The following ZFHX3 variants were observed in gnomAD, a reference collection of about 807,000 sequenced individuals.
ZFHX3 encodes the protein zinc finger homeobox protein 3.
Under a neutral mutation model 279.1 loss-of-function variants are expected in ZFHX3, and 42 were observed. The ratio of observed to expected loss-of-function variants is 0.15; its 90% CI spans 0.12 to 0.19. The LOEUF is 0.19. Ranked by LOEUF, ZFHX3 falls within the 10% of genes least tolerant of loss-of-function variation. ZFHX3 has a pLI of 1.00. For missense variants in ZFHX3, 4,981 were observed against 4,754.0 expected, an observed-to-expected ratio of 1.05 and a Z score of -1.40; for synonymous variants, 2,293 against 1,957.8, an observed-to-expected ratio of 1.17 and a Z score of -4.52.
At position 72,959,775 on chromosome 16, in the gene ZFHX3, C is replaced by T. The variant is rs1376760357; in HGVS notation, c.371G>A (p.Ser124Asn). 2 of 1,605,496 alleles carry T rather than the reference C, an allele frequency of 1.2e-6. No homozygotes were observed. Among genetic ancestry groups the T allele is most frequent in the South Asian group, 1.1e-5 (1 of 90,006 alleles). Reference sequence around the variant, plus strand: ...CTCCCCGGCCAGGTTCTCCACGTCACTCTCCTCGTCCCCCTCCTCACCGGT... The same window carrying T: ...CTCCCCGGCCAGGTTCTCCACGTCATTCTCCTCGTCCCCCTCCTCACCGGT... ...SDTGEEGDEESDVENLAGEIV... is the reference protein window; with the variant it reads ...SDTGEEGDEENDVENLAGEIV... Residue 124 changes from serine to asparagine, a missense_variant, in exon 2 of 10, where the codon AGT (serine) becomes AAT (asparagine). Ser to Asn is a conservative substitution (Grantham distance 46, BLOSUM62 1). This residue lies in a region of ZFHX3 where 1,068 missense variants were observed against 935.2 expected (regional missense o/e 1.14). Transcript: ENST00000268489.
chr16:72,910,996 A>G (rs897940509), intron 3 of ZFHX3, among the ~76,000 whole-genome samples: 1 of 152,220 alleles, frequency 6.6e-6, no homozygotes, highest in African/African-American at 2.4e-5. Context: ...AGTAGGAGTC[A>G]CAGAAGTCAA....
intron 3 of ZFHX3, among the ~76,000 whole-genome samples, chr16:73,399,069 G>A (rs576700296): frequency 2.2e-4 from 33 of 151,100 alleles, no homozygotes; most frequent in African/African-American, 8.0e-4. Flanking sequence ...GTAGAATCGG[G>A]GTTTCGCCAT....
intron 3 of ZFHX3, among the ~76,000 whole-genome samples, chr16:72,908,723 G>A (rs901164766): frequency 6.6e-6 from 1 of 152,060 alleles, no homozygotes; most frequent in Non-Finnish European, 1.5e-5. Context: ...CAAGTTACCC[G>A]CCCGTCCCTG....
At chr16:73,058,785 G>T in exon 1 of ZFHX3, 1 of 153,824 alleles carries the variant, frequency 6.5e-6, no homozygotes, top group South Asian at 2.1e-4. Flanking sequence ...CGGGGAGCCG[G>T]AGCCGCCGCC....
intron 4 of ZFHX3, among the ~76,000 whole-genome samples, chr16:72,867,693 C>A (rs553553088): frequency 6.8e-6 from 1 of 148,008 alleles, no homozygotes; most frequent in Admixed American, 6.8e-5. Context: ...TGAAAAGTAG[C>A]GAACCCCCAG....
intron 5 of ZFHX3, among the ~76,000 whole-genome samples, chr16:73,169,469 C>T (rs1361591426): frequency 2.0e-5 from 3 of 152,042 alleles, no homozygotes; most frequent in Non-Finnish European, 4.4e-5. Flanking sequence ...GGTGAAACCC[C>T]GTCTCTACTA....
chr16:73,068,102 C>T (rs1244145767), intron 8 of ZFHX3, among the ~76,000 whole-genome samples: 1 of 152,158 alleles, frequency 6.6e-6, no homozygotes, highest in Non-Finnish European at 1.5e-5. Flanking sequence ...TCAGTTCTCC[C>T]AGCAACCCTG....
chr16:73,422,947 AG>A (rs2017744319), intron 3 of ZFHX3, among the ~76,000 whole-genome samples: 1 of 152,202 alleles, frequency 6.6e-6, no homozygotes, highest in Non-Finnish European at 1.5e-5. Context: ...AGGTGTTGGC[AG>A]GGTTGGTTTT....
In ZFHX3 at chr16:73,280,938, T is replaced by C. The variant is rs1043622630; in HGVS notation, c.-1193-23802A>G. Among the ~76,000 whole-genome samples the C allele has an allele frequency of 1.1e-4, 16 of 150,374 alleles. No individual in the cohort carries two copies. In the East Asian group the frequency reaches 3.2e-3, roughly 30 times the overall value. On this transcript the variant is annotated intron_variant, in intron 4 of 17. Transcript: ENST00000641206. Reference sequence around the variant, plus strand: ...AGGTAGAGGTTGTGGTGAGCCAAGATTGCGCCATTGCACTCCAGCCTGGGC... The same window carrying C: ...AGGTAGAGGTTGTGGTGAGCCAAGACTGCGCCATTGCACTCCAGCCTGGGC...
At chr16:73,052,096 T>A (rs192758935), upstream of ZFHX3, among the ~76,000 whole-genome samples, 23 of 152,158 alleles carry the variant, frequency 1.5e-4, 1 homozygote, top group East Asian at 4.4e-3. Flanking sequence ...ACAGTCGGTC[T>A]GATGCTAACC....
chr16:72,962,736 C>A (rs1224330128), intron 1 of ZFHX3, among the ~76,000 whole-genome samples: 2 of 152,116 alleles, frequency 1.3e-5, no homozygotes, highest in African/African-American at 2.4e-5. Context: ...AAACTTAAGA[C>A]ACTCTCTGCT....
At position 73,786,652 on chromosome 16, in the gene ZFHX3, A is replaced by C. The variant is rs114419260; in HGVS notation, c.-1608+104999T>G. 4.8e-3 allele frequency among the ~76,000 whole-genome samples: 730 copies of C among 152,280 alleles called. 10 individuals are homozygous for C. The highest frequency in any genetic ancestry group is 0.017 in the African/African-American group (706 of 41,554). The stretch of plus-strand genomic sequence containing the variant: ...ATATTTCAGATGCCAACCTCATTTC[A>C]TTCCCATGTGCATGGAATAACATCC... On this transcript the variant is annotated intron_variant, in intron 1 of 17. Transcript: ENST00000641206.
intron 1 of ZFHX3, among the ~76,000 whole-genome samples, chr16:73,779,679 T>C (rs1296355522): frequency 1.3e-5 from 2 of 152,338 alleles, no homozygotes; most frequent in East Asian, 3.9e-4. Context: ...TATGCTCCCG[T>C]TGTACAACAA....
At chr16:73,271,677 T>C (rs928164395) in intron 4 of ZFHX3, among the ~76,000 whole-genome samples, 8 of 152,242 alleles carry the variant, frequency 5.3e-5, no homozygotes, top group African/African-American at 1.9e-4. Context: ...TGGTTAAGTT[T>C]CTGCTGCAGG....
chr16:73,335,475 T>C (rs372186401), intron 3 of ZFHX3, among the ~76,000 whole-genome samples: 1 of 152,318 alleles, frequency 6.6e-6, no homozygotes, highest in East Asian at 1.9e-4. Context: ...ATTTTTCTCC[T>C]TTGATATATT....
intron 1 of ZFHX3, among the ~76,000 whole-genome samples, chr16:73,011,589 A>T (rs1273192749): frequency 6.6e-6 from 1 of 152,068 alleles, no homozygotes; most frequent in Non-Finnish European, 1.5e-5. Context: ...AAAAATACAA[A>T]AATTAGCTGG....
intron 3 of ZFHX3, among the ~76,000 whole-genome samples, chr16:73,429,799 C>T (rs894318320): frequency 1.3e-5 from 2 of 152,342 alleles, no homozygotes; most frequent in East Asian, 3.9e-4. Context: ...CTGCTCACAG[C>T]TCCCTGGGAA....
intron 3 of ZFHX3, among the ~76,000 whole-genome samples, chr16:72,949,916 T>C (rs1193414656): frequency 6.2e-5 from 9 of 145,430 alleles, no homozygotes; most frequent in South Asian, 4.3e-4. Flanking sequence ...CTTTTCTTTT[T>C]TTTTTTTTTT....
chr16:73,057,621 G>A (rs1216185407), intron 1 of ZFHX3, among the ~76,000 whole-genome samples: 2 of 151,652 alleles, frequency 1.3e-5, no homozygotes, highest in Admixed American at 6.6e-5. Flanking sequence ...GCTGGCGGAA[G>A]AAGGCCGGCC....
Sources: allele counts gnomAD v4.1 joint callset (sites outside exome capture counted in the v4.1 genomes callset), GRCh38; gene constraint gnomAD v4.1.1; regional missense constraint gnomAD v4.1.1; transcripts MANE v1.5; gene names NCBI Gene and HGNC (gene_info 2026-07-23, HGNC 2026-07-21).